Variants in CLEC16A observed in about 807,000 individuals in gnomAD.
The protein encoded by CLEC16A is protein CLEC16A.
Under a neutral mutation model 109.5 loss-of-function variants are expected in CLEC16A, and 51 were observed. That is an observed-to-expected ratio of 0.47 (90% CI 0.37 to 0.59). The LOEUF is 0.59. Ranked by LOEUF, CLEC16A falls within the 20% of genes least tolerant of loss-of-function variation. The pLI is 0.00. For missense variants in CLEC16A, 1,339 were observed against 1,394.0 expected (o/e 0.96, Z 0.63); for synonymous variants, 673 against 564.2 (o/e 1.19, Z -2.73).
chr16:10,950,782 C>A (rs887979881), intron 1 of CLEC16A, among the ~76,000 whole-genome samples: 3 of 152,204 alleles, frequency 2.0e-5, no homozygotes, highest in African/African-American at 7.2e-5. Flanking sequence ...ATCCCTCTAC[C>A]ACACCTGAGA....
At chr16:11,011,825 A>G (rs2045435495) in intron 11 of CLEC16A, among the ~76,000 whole-genome samples, 1 of 152,094 alleles carries the variant, frequency 6.6e-6, no homozygotes, top group Non-Finnish European at 1.5e-5. Context: ...CAGTGAATTT[A>G]CAGGTTTTTT....
intron 10 of CLEC16A, among the ~76,000 whole-genome samples, chr16:10,984,967 C>T (rs566276048): frequency 2.0e-5 from 3 of 151,890 alleles, no homozygotes; most frequent in Admixed American, 1.3e-4. Context: ...TTTGGGAGGC[C>T]GAGGCGGGCA....
intron 22 of CLEC16A, among the ~76,000 whole-genome samples, chr16:11,157,410 T>C (rs1243949861): frequency 6.6e-6 from 1 of 152,178 alleles, no homozygotes; most frequent in African/African-American, 2.4e-5. Context: ...GATATCACCA[T>C]TTGGGGGCAA....
intron 4 of CLEC16A, among the ~76,000 whole-genome samples, chr16:10,970,169 T>C (rs3881421): frequency 0.18 from 27,786 of 152,134 alleles, 2,775 homozygotes; most frequent in South Asian, 0.3. Flanking sequence ...GACCCAGGCT[T>C]TCCCATCTTG....
intron 22 of CLEC16A, among the ~76,000 whole-genome samples, chr16:11,156,187 C>T (rs28521701): frequency 0.028 from 4,264 of 152,010 alleles, 192 homozygotes; most frequent in African/African-American, 0.097. Flanking sequence ...CATGGTGAAA[C>T]CCATCTCTAC....
chr16:11,060,843 A>G (rs2048441926), intron 18 of CLEC16A, 59 bp from the exon 19 acceptor site: 2 of 1,464,736 alleles, frequency 1.4e-6, no homozygotes, highest in Non-Finnish European at 9.1e-7. Context: ...GGTGTGGGGC[A>G]TCTCACTGAA....
intron 13 of CLEC16A, among the ~76,000 whole-genome samples, chr16:11,037,220 C>T (rs567690975): frequency 2.6e-5 from 4 of 152,182 alleles, no homozygotes; most frequent in South Asian, 2.1e-4. Flanking sequence ...CCCAAGAGGA[C>T]GGGCCCCCTG....
intron 19 of CLEC16A, among the ~76,000 whole-genome samples, chr16:11,120,088 G>C (rs2052293357): frequency 6.6e-6 from 1 of 152,208 alleles, no homozygotes; most frequent in Admixed American, 6.5e-5. Context: ...TCCTGCCTCA[G>C]CCTCCCAAGT....
At position 10,996,290 on chromosome 16, in the gene CLEC16A, C is replaced by T. The variant is rs181850531; in HGVS notation, c.1072-6784C>T. On this transcript the variant is annotated intron_variant, in intron 10 of 23. Transcript: ENST00000409790. ...CCTGACTGAGAGGCTACTGGCTGGC[C>T]GGGGACCACTGCCCTGACTTCCTGC... is the stretch of plus-strand genomic sequence containing the variant. Among the ~76,000 whole-genome samples, 11 of 152,312 alleles carry T rather than the reference C, an allele frequency of 7.2e-5. 1 individual carries two copies. The East Asian group carries it at 1.7e-3, about 24-fold the overall frequency.
At position 11,166,502 on chromosome 16, in the gene CLEC16A, C is replaced by T. The variant is rs772167498; in HGVS notation, c.2756C>T (p.Ser919Phe). 6.2e-7 allele frequency: 1 copy of T among 1,609,510 alleles called. No homozygotes were observed. The highest frequency in any genetic ancestry group is 8.5e-7 in the Non-Finnish European group (1 of 1,179,568). Residue 919 changes from serine (S) to phenylalanine (F), a missense_variant, in exon 23 of 24, where the codon TCT becomes TTT. Physicochemically the swap from Ser to Phe is radical, Grantham distance 155. Around this residue, in one of 3 missense-constraint regions of CLEC16A, gnomAD observed 1,061 missense variants for 1,006.8 expected, o/e 1.05. Transcript: ENST00000409790. ...SGSGSTSHCDSGGTSSSSTPS... is the reference protein window; with the variant it reads ...SGSGSTSHCDFGGTSSSSTPS... ...AGCGGGAGCACCAGCCACTGCGACT[C>T]TGGAGGCACCAGCTCGTCCTCCACC...
chr16:11,098,461 CCTCTT>C (rs2050730117), intron 19 of CLEC16A, among the ~76,000 whole-genome samples: 1 of 152,220 alleles, frequency 6.6e-6, no homozygotes, highest in Non-Finnish European at 1.5e-5. Context: ...GAACTGTCAG[CCTCTT>C]CAGTAAGGAG....
intron 11 of CLEC16A, among the ~76,000 whole-genome samples, chr16:11,015,959 C>T (rs1437088606): frequency 1.4e-5 from 2 of 144,886 alleles, no homozygotes; most frequent in Non-Finnish European, 3.0e-5. Flanking sequence ...AGGCTAGCCT[C>T]ACAGGCTTGC....
intron 23 of CLEC16A, among the ~76,000 whole-genome samples, chr16:11,173,625 G>A (rs1203270434): frequency 1.3e-5 from 2 of 152,062 alleles, no homozygotes; most frequent in Non-Finnish European, 2.9e-5. Flanking sequence ...TGGCGTCAGC[G>A]TGTGACACCA....
chr16:11,126,334 C>G, intron 22 of CLEC16A, 188 bp downstream of exon 22: 3 of 1,483,684 alleles, frequency 2.0e-6, no homozygotes, highest in Non-Finnish European at 2.7e-6. Context: ...TAAATTTTGG[C>G]TTTCCCTTTA....
intron 11 of CLEC16A, among the ~76,000 whole-genome samples, chr16:11,003,992 G>GAA (rs2044834795): frequency 6.7e-6 from 1 of 148,168 alleles, no homozygotes; most frequent in Non-Finnish European, 1.5e-5. Context: ...AAAAAAAAGT[G>GAA]TTTAGTATTT....
chr16:11,123,852 C>A lies in CLEC16A; in HGVS notation c.2379C>A (p.Phe793Leu). 4.3e-6 allele frequency: 7 copies of A among 1,614,076 alleles called. No individual in the cohort carries two copies. Among genetic ancestry groups the A allele is most frequent in the Non-Finnish European group, 5.9e-6 (7 of 1,179,906 alleles). Residue 793 changes from phenylalanine to leucine, a missense_variant, in exon 21 of 24, where the codon TTC becomes TTA. Around this residue, in one of 3 missense-constraint regions of CLEC16A, gnomAD observed 1,061 missense variants for 1,006.8 expected, o/e 1.05. Coordinates refer to ENST00000409790, the MANE Select transcript of CLEC16A (RefSeq NM_015226.3). ...SKPFPILQAT[F>L]IFSDHIRCII... ...CCTTCCCCATCCTCCAGGCCACCTT[C>A]ATCTTCTCAGACCACATCCGCTGCA... is the stretch of plus-strand genomic sequence containing the variant.
intron 22 of CLEC16A, chr16:11,126,422 A>G (rs2052824867): frequency 7.1e-7 from 1 of 1,408,904 alleles, no homozygotes; most frequent in African/African-American, 1.4e-5. Context: ...TTTCTTGGAA[A>G]TTTCTTGGAA....
At chr16:10,965,763 A>G (rs79141619) in intron 3 of CLEC16A, among the ~76,000 whole-genome samples, 360 of 152,354 alleles carry the variant, frequency 2.4e-3, no homozygotes, top group African/African-American at 8.1e-3. Flanking sequence ...GGGGTAGTAG[A>G]AAAATCCCAG....
intron 11 of CLEC16A, among the ~76,000 whole-genome samples, chr16:11,004,099 C>T (rs1044849750): frequency 4.6e-5 from 7 of 151,958 alleles, no homozygotes; most frequent in South Asian, 2.1e-4. Context: ...GTGTGTAGTA[C>T]GTATGTGCTC....
Sources: allele counts gnomAD v4.1 joint callset (sites outside exome capture counted in the v4.1 genomes callset), GRCh38; gene constraint gnomAD v4.1.1; regional missense constraint gnomAD v4.1.1; transcripts MANE v1.5; gene names NCBI Gene and HGNC (gene_info 2026-07-23, HGNC 2026-07-21).